The following COX7B2 variants were observed in gnomAD, a reference collection of about 807,000 sequenced individuals.
COX7B2 encodes the protein cytochrome c oxidase subunit 7B2.
For missense variants in COX7B2, 109 were observed against 95.9 expected (o/e 1.14, Z -0.57); for synonymous variants, 37 against 32.1 (o/e 1.15, Z -0.51).
intron 2 of COX7B2, among the ~76,000 whole-genome samples, chr4:46,783,401 T>C (rs1405791887): frequency 6.6e-6 from 1 of 152,242 alleles, no homozygotes; most frequent in African/African-American, 2.4e-5. Flanking sequence ...GTCCTTTGCC[T>C]ATCAGTGATT....
chr4:46,850,457 T>G (rs538630943), intron 1 of COX7B2, among the ~76,000 whole-genome samples: 3 of 152,008 alleles, frequency 2.0e-5, no homozygotes, highest in East Asian at 1.9e-4. Flanking sequence ...GAACAAAAAT[T>G]TCTTGTACTT....
At chr4:46,866,125 C>A (rs1717647880) in intron 1 of COX7B2, among the ~76,000 whole-genome samples, 1 of 152,184 alleles carries the variant, frequency 6.6e-6, no homozygotes. Flanking sequence ...TAAATGGGAT[C>A]CAACTTCTAA....
At chr4:46,791,062 C>T (rs1301681435) in intron 2 of COX7B2, among the ~76,000 whole-genome samples, 2 of 152,110 alleles carry the variant, frequency 1.3e-5, no homozygotes, top group Non-Finnish European at 2.9e-5. Context: ...TGCAGTGGCG[C>T]GATCTCGGCT....
chr4:46,808,068 T>A (rs924243035), intron 2 of COX7B2, among the ~76,000 whole-genome samples: 2 of 151,898 alleles, frequency 1.3e-5, no homozygotes, highest in African/African-American at 4.8e-5. Flanking sequence ...AGAACATTAT[T>A]GGAATTTTGA....
intron 2 of COX7B2, among the ~76,000 whole-genome samples, chr4:46,842,874 G>A (rs1426633340): frequency 1.3e-5 from 2 of 152,050 alleles, no homozygotes; most frequent in African/African-American, 4.8e-5. Context: ...GTGTGCATGT[G>A]TCTTTACAGC....
At chr4:46,811,732 T>A (rs1024688777) in intron 2 of COX7B2, among the ~76,000 whole-genome samples, 2 of 152,234 alleles carry the variant, frequency 1.3e-5, no homozygotes, top group Non-Finnish European at 2.9e-5. Flanking sequence ...TCTGAATTGA[T>A]GTCTGTGCAT....
At chr4:46,759,267 C>A (rs1715984912) in intron 2 of COX7B2, among the ~76,000 whole-genome samples, 1 of 151,910 alleles carries the variant, frequency 6.6e-6, no homozygotes, top group Non-Finnish European at 1.5e-5. Flanking sequence ...ACTAAGAAGT[C>A]CTTCAGATAA....
At chr4:46,828,265 G>C (rs894282888) in intron 2 of COX7B2, among the ~76,000 whole-genome samples, 7 of 151,886 alleles carry the variant, frequency 4.6e-5, no homozygotes, top group Admixed American at 1.3e-4. Flanking sequence ...AGGAACTTCT[G>C]AAAAACAAAA....
chr4:46,851,142 G>A (rs533218852), intron 1 of COX7B2, among the ~76,000 whole-genome samples: 80 of 152,108 alleles, frequency 5.3e-4, no homozygotes, highest in African/African-American at 1.7e-3. Flanking sequence ...GGTGACTCCC[G>A]AGAGGACTGG....
intron 2 of COX7B2, among the ~76,000 whole-genome samples, chr4:46,786,171 G>A (rs1717743517): frequency 6.6e-6 from 1 of 152,068 alleles, no homozygotes; most frequent in African/African-American, 2.4e-5. Context: ...AAGCTACTTA[G>A]TCATAACCAC....
intron 1 of COX7B2, among the ~76,000 whole-genome samples, chr4:46,886,321 A>G (rs772384253): frequency 1.7e-4 from 26 of 152,198 alleles, no homozygotes; most frequent in Non-Finnish European, 4.4e-5. Context: ...TCATACATAT[A>G]TACAATGTGT....
intron 2 of COX7B2, among the ~76,000 whole-genome samples, chr4:46,841,375 T>TGTG (rs1560414303): frequency 6.0e-5 from 6 of 100,618 alleles, no homozygotes; most frequent in African/African-American, 2.0e-4. Context: ...GTGTGTGTGT[T>TGTG]TAAGATGGGC....
intron 2 of COX7B2, among the ~76,000 whole-genome samples, chr4:46,797,680 C>T (rs573725198): frequency 6.6e-6 from 1 of 152,240 alleles, no homozygotes; most frequent in Admixed American, 6.5e-5. Flanking sequence ...ATGATTCCCA[C>T]CACATCTCCA....
chr4:46,779,784 T>A (rs1717345560), intron 2 of COX7B2, among the ~76,000 whole-genome samples: 2 of 151,706 alleles, frequency 1.3e-5, no homozygotes, highest in African/African-American at 2.4e-5. Flanking sequence ...AAAACTTGAA[T>A]ACAAGGAAGC....
At chr4:46,818,505 C>T (rs1241325886) in intron 2 of COX7B2, among the ~76,000 whole-genome samples, 5 of 152,048 alleles carry the variant, frequency 3.3e-5, no homozygotes, top group South Asian at 2.1e-4. Flanking sequence ...GGTGTGGTGG[C>T]GAGCGCCTGT....
intron 2 of COX7B2, among the ~76,000 whole-genome samples, chr4:46,777,527 G>GA (rs1424054665): frequency 1.3e-5 from 2 of 152,024 alleles, no homozygotes; most frequent in African/African-American, 4.8e-5. Flanking sequence ...AGAAAAGGAG[G>GA]AACTGTTAGG....
chr4:46,834,211 C>T (rs1482569116), intron 2 of COX7B2, among the ~76,000 whole-genome samples: 1 of 151,946 alleles, frequency 6.6e-6, no homozygotes, highest in East Asian at 1.9e-4. Flanking sequence ...AGTATGATCC[C>T]AATTTTAAAA....
intron 2 of COX7B2, among the ~76,000 whole-genome samples, chr4:46,818,450 A>G (rs1714007302): frequency 6.6e-6 from 1 of 151,960 alleles, no homozygotes; most frequent in Admixed American, 6.6e-5. Flanking sequence ...TGGCTAACAC[A>G]GTGAAACCCC....
chr4:46,840,963 T>C (rs942445949), intron 2 of COX7B2, among the ~76,000 whole-genome samples: 6 of 151,786 alleles, frequency 4.0e-5, no homozygotes, highest in African/African-American at 1.5e-4. Flanking sequence ...ACATACGGAG[T>C]TGGTGCATAA....
Sources: gnomAD v4.1 joint callset for allele counts (sites outside exome capture counted in the v4.1 genomes callset) on GRCh38, gnomAD v4.1.1 for gene constraint, MANE v1.5 for transcripts, NCBI Gene and HGNC (gene_info 2026-07-23, HGNC 2026-07-21) for gene names.